Variants in MGST2 observed in about 807,000 individuals in gnomAD.
MGST2 encodes the protein glutathione peroxidase MGST2.
MGST2 carries 9 observed loss-of-function variants against 16.6 expected under a neutral mutation model. The observed-to-expected ratio is 0.54, with a 90% CI of 0.33 to 0.95. MGST2 has a LOEUF of 0.95. MGST2 is among the 40% of genes least tolerant of loss of function. MGST2 has a pLI of 0.03. For synonymous variants in MGST2, 79 were observed against 68.0 expected (o/e 1.16, Z -0.79); for missense variants, 159 against 175.1 (o/e 0.91, Z 0.52).
chr4:139,725,942 C>T, intron 5 of MGST2: 1 of 898,400 alleles, frequency 1.1e-6, no homozygotes, highest in African/African-American at 1.7e-5. Flanking sequence ...CAAAACTAAA[C>T]TTTGTGTTGA....
At chr4:139,716,462 T>C (rs1727963847) in intron 5 of MGST2, among the ~76,000 whole-genome samples, 1 of 152,228 alleles carries the variant, frequency 6.6e-6, no homozygotes, top group South Asian at 2.1e-4. Flanking sequence ...ATGGAATTGT[T>C]ATGGTACTGA....
At chr4:139,730,508 G>A (rs772828958) in intron 5 of MGST2, 39 of 1,556,926 alleles carry the variant, frequency 2.5e-5, no homozygotes, top group Non-Finnish European at 3.2e-5. Context: ...AACTGGGCCC[G>A]CTGATCAATG....
chr4:139,749,144 G>C, the MGST2 span, among the ~76,000 whole-genome samples: 1 of 152,184 alleles, frequency 6.6e-6, no homozygotes, highest in African/African-American at 2.4e-5. Context: ...AAAAGGCAAA[G>C]AATGGTTTAT....
At chr4:139,695,148 G>A (rs371721545) in intron 2 of MGST2, 49 bp from the exon 3 acceptor site, 435 of 1,311,912 alleles carry the variant, frequency 3.3e-4, no homozygotes, top group Non-Finnish European at 4.4e-4. Context: ...CAATGCTTCA[G>A]TGTATACTTT....
chr4:139,730,607 C>T, intron 5 of MGST2: 1 of 1,612,322 alleles, frequency 6.2e-7, no homozygotes, highest in South Asian at 1.1e-5. Flanking sequence ...CCACCTGAGC[C>T]TGGGGGCACG....
intron 1 of MGST2, among the ~76,000 whole-genome samples, chr4:139,667,528 G>T (rs1187378206): frequency 6.6e-6 from 1 of 152,042 alleles, no homozygotes; most frequent in East Asian, 1.9e-4. Flanking sequence ...AGGAGACTGG[G>T]TGAATGATGA....
At chr4:139,677,792 C>T (rs1051626270) in intron 1 of MGST2, among the ~76,000 whole-genome samples, 3 of 152,148 alleles carry the variant, frequency 2.0e-5, no homozygotes, top group African/African-American at 4.8e-5. Context: ...CGTGAGCCAC[C>T]GTGATCGGCA....
intron 2 of MGST2, among the ~76,000 whole-genome samples, chr4:139,683,557 C>T (rs1731381860): frequency 6.6e-6 from 1 of 151,992 alleles, no homozygotes; most frequent in African/African-American, 2.4e-5. Flanking sequence ...TTGTTGGTTA[C>T]ACCTCCAAGT....
intron 5 of MGST2, among the ~76,000 whole-genome samples, chr4:139,732,978 T>C (rs1728784785): frequency 6.6e-6 from 1 of 152,252 alleles, no homozygotes; most frequent in African/African-American, 2.4e-5. Flanking sequence ...CCAGGAACCT[T>C]TGTGCTACCA....
At position 139,693,404 on chromosome 4, in the gene MGST2, C is replaced by CAA. The variant is rs55723907; in HGVS notation, c.159-1774_159-1773dup. Among the ~76,000 whole-genome samples, 113 of 66,552 alleles carry CAA rather than the reference C, an allele frequency of 1.7e-3. 2 individuals carry two copies. Among genetic ancestry groups the CAA allele is most frequent in the Non-Finnish European group, 2.3e-3 (76 of 33,298 alleles). The allele number at this position is 66,552 out of a possible 152,430, so 43.7% of individuals were successfully genotyped here. Reference sequence around the variant, plus strand: ...TGGGCGACAGAGCAAGACTACGTCTCAAAAAAAAAAAAAAAAAAAAGAAAT... The same window carrying CAA: ...TGGGCGACAGAGCAAGACTACGTCTCAAAAAAAAAAAAAAAAAAAAAAGAAAT... On this transcript the variant is annotated intron_variant, in intron 2 of 4. Transcript: ENST00000265498.
intron 5 of MGST2, among the ~76,000 whole-genome samples, chr4:139,713,128 C>T (rs148431084): frequency 1.1e-3 from 168 of 152,240 alleles, no homozygotes; most frequent in Middle Eastern, 3.4e-3. Flanking sequence ...GTCAAAGTAT[C>T]CCTCCATAAC....
At chr4:139,681,604 CT>C (rs1320648268) in intron 2 of MGST2, among the ~76,000 whole-genome samples, 1 of 152,124 alleles carries the variant, frequency 6.6e-6, no homozygotes, top group East Asian at 1.9e-4. Flanking sequence ...TAAACCGTCA[CT>C]TTTTTATTTC....
intron 2 of MGST2, among the ~76,000 whole-genome samples, chr4:139,683,911 A>G (rs1032108280): frequency 5.7e-5 from 8 of 140,676 alleles, no homozygotes; most frequent in Non-Finnish European, 9.2e-5. Flanking sequence ...AAAAACCATC[A>G]GTTTTGTGTT....
At chr4:139,688,812 A>G (rs1403684505) in intron 2 of MGST2, among the ~76,000 whole-genome samples, 1 of 152,164 alleles carries the variant, frequency 6.6e-6, no homozygotes, top group Non-Finnish European at 1.5e-5. Context: ...CTGAATTATT[A>G]TAAAGGGCTG....
intron 3 of MGST2, among the ~76,000 whole-genome samples, chr4:139,699,944 A>G (rs1727145734): frequency 6.6e-6 from 1 of 152,044 alleles, no homozygotes; most frequent in African/African-American, 2.4e-5. Context: ...AGGTGAGAGG[A>G]GCTCTCAAGC....
intron 3 of MGST2, among the ~76,000 whole-genome samples, chr4:139,699,358 T>G (rs967985553): frequency 2.0e-5 from 3 of 152,264 alleles, no homozygotes; most frequent in African/African-American, 4.8e-5. Flanking sequence ...AAATTTTAAC[T>G]TTGCATAAAA....
At chr4:139,706,133 T>G (rs1727510054), downstream of MGST2, among the ~76,000 whole-genome samples, 1 of 152,130 alleles carries the variant, frequency 6.6e-6, no homozygotes, top group Non-Finnish European at 1.5e-5. Context: ...GTTCCCATAA[T>G]ACATAACCTC....
intron 5 of MGST2, chr4:139,719,535 G>C: frequency 1.9e-6 from 3 of 1,613,914 alleles, no homozygotes; most frequent in Non-Finnish European, 2.5e-6. Context: ...CTGGGTATCT[G>C]CTGCTGTGCT....
Position 139,678,525 on chromosome 4 carries a change from A to G in MGST2, c.59-18A>G. 1.9e-6 allele frequency: 3 copies of G among 1,602,726 alleles called. No homozygotes were observed. The highest frequency in any genetic ancestry group is 2.2e-5 in the East Asian group (1 of 44,772). On this transcript the variant is annotated intron_variant, in intron 1 of 4. Coordinates refer to ENST00000265498, the MANE Select transcript of MGST2 (RefSeq NM_002413.5). ...TGACGTGCCCCATCTTTAACGCAAC[A>G]TTTCCCTTTACTTGCAGGTTATTTT... is the stretch of plus-strand genomic sequence containing the variant.
Sources: gnomAD v4.1 joint callset for allele counts (sites outside exome capture counted in the v4.1 genomes callset) on GRCh38, gnomAD v4.1.1 for gene constraint, MANE v1.5 for transcripts, NCBI Gene and HGNC (gene_info 2026-07-23, HGNC 2026-07-21) for gene names.